Variants in SNX25 observed in about 807,000 individuals in gnomAD.
SNX25 encodes sorting nexin 25, also known as sorting nexin-25.
SNX25 carries 62 observed loss-of-function variants against 113.7 expected under a neutral mutation model. The observed-to-expected ratio is 0.55, with a 90% CI of 0.44 to 0.67. The LOEUF is 0.67. Among genes scored for constraint, SNX25 ranks in the 30% least tolerant of loss-of-function variants. The probability of loss-of-function intolerance (pLI) is 0.00; values close to 1 mark genes in which losing one functional copy is unlikely to be tolerated. For missense variants in SNX25, 1,014 were observed against 1,161.0 expected (o/e 0.87, Z 1.84); for synonymous variants, 421 against 436.2 (o/e 0.97, Z 0.43).
At chr4:185,339,093 G>T (rs948190834) in intron 10 of SNX25, among the ~76,000 whole-genome samples, 19 of 152,156 alleles carry the variant, frequency 1.2e-4, no homozygotes, top group African/African-American at 4.1e-4. Flanking sequence ...TCCAATCCAT[G>T]AATATGGGAT....
intron 7 of SNX25, among the ~76,000 whole-genome samples, chr4:185,312,061 GC>G (rs1332691197): frequency 6.6e-6 from 1 of 152,138 alleles, no homozygotes; most frequent in African/African-American, 2.4e-5. Flanking sequence ...GTTGAATATT[GC>G]CCCCTTCCTC....
intron 9 of SNX25, 119 bp downstream of exon 9, chr4:185,323,919 C>A: frequency 9.7e-7 from 1 of 1,026,736 alleles, no homozygotes; most frequent in Non-Finnish European, 1.4e-6. Flanking sequence ...TATACAGGAC[C>A]TTAAATAGAA....
intron 8 of SNX25, among the ~76,000 whole-genome samples, chr4:185,323,102 G>A (rs142309485): frequency 6.6e-6 from 1 of 152,102 alleles, no homozygotes; most frequent in Non-Finnish European, 1.5e-5. Context: ...TGTTTTTCTC[G>A]TTTTTCTGAG....
intron 7 of SNX25, among the ~76,000 whole-genome samples, chr4:185,317,693 C>G (rs191407330): frequency 1.3e-5 from 2 of 151,992 alleles, no homozygotes; most frequent in Non-Finnish European, 2.9e-5. Context: ...AGCTAGAAAA[C>G]GAAACACCAC....
intron 1 of SNX25, among the ~76,000 whole-genome samples, chr4:185,244,534 A>C (rs1579449892): frequency 6.6e-6 from 1 of 152,120 alleles, no homozygotes. Flanking sequence ...TTTTTCTGTG[A>C]ACTAAATGAA....
At chr4:185,357,615 A>G in intron 15 of SNX25, 56 bp from the exon 16 acceptor site, 1 of 1,366,756 alleles carries the variant, frequency 7.3e-7, no homozygotes, top group Non-Finnish European at 1.0e-6. Context: ...AGCTATGAAA[A>G]TGTCCCAAAT....
intron 1 of SNX25, among the ~76,000 whole-genome samples, chr4:185,219,908 C>CTT (rs35064352): frequency 0.014 from 1,974 of 143,208 alleles, 44 homozygotes; most frequent in African/African-American, 0.046. Flanking sequence ...AGTTGTTAAT[C>CTT]TTTTTTTTTT....
chr4:185,240,117 A>G (rs1229610229), intron 1 of SNX25, among the ~76,000 whole-genome samples: 7 of 152,006 alleles, frequency 4.6e-5, no homozygotes, highest in African/African-American at 7.3e-5. Flanking sequence ...CCAAGGCAGA[A>G]GAATTTTTCT....
intron 17 of SNX25, 62 bp from the exon 18 acceptor site, chr4:185,362,549 T>C: frequency 1.3e-6 from 2 of 1,486,238 alleles, no homozygotes; most frequent in East Asian, 2.3e-5. Flanking sequence ...TTCCTTTCAC[T>C]GCAAAGCTAT....
intron 1 of SNX25, among the ~76,000 whole-genome samples, chr4:185,221,441 T>C (rs549483530): frequency 1.3e-5 from 2 of 152,238 alleles, no homozygotes; most frequent in South Asian, 4.1e-4. Context: ...TCCCAGAATG[T>C]TGGATTACAG....
intron 5 of SNX25, among the ~76,000 whole-genome samples, chr4:185,279,890 TTTG>T (rs1286564807): frequency 6.6e-6 from 1 of 152,046 alleles, no homozygotes; most frequent in African/African-American, 2.4e-5. Context: ...TTGTTGTTGT[TTTG>T]TTGTTTTTTT....
At chr4:185,361,196 G>T (rs1168027475) in intron 16 of SNX25, among the ~76,000 whole-genome samples, 1 of 152,138 alleles carries the variant, frequency 6.6e-6, no homozygotes, top group African/African-American at 2.4e-5. Context: ...AACACTAAAA[G>T]ACAGCTACGG....
At chr4:185,204,823 C>CAA (rs1579282074), upstream of SNX25, among the ~76,000 whole-genome samples, 1 of 152,188 alleles carries the variant, frequency 6.6e-6, no homozygotes, top group East Asian at 1.9e-4. Context: ...GTAGAAGCTG[C>CAA]AAAAGGAGGA....
chr4:185,259,769 G>T (rs769467082), intron 3 of SNX25, among the ~76,000 whole-genome samples: 3 of 152,194 alleles, frequency 2.0e-5, no homozygotes, highest in Admixed American at 6.5e-5. Context: ...GACACGGTTG[G>T]AACAGGAATG....
intron 1 of SNX25, among the ~76,000 whole-genome samples, chr4:185,220,747 T>G (rs1344473325): frequency 1.3e-5 from 2 of 152,218 alleles, no homozygotes; most frequent in Non-Finnish European, 2.9e-5. Context: ...CCCAAAGTGC[T>G]GGGATTACAG....
chr4:185,322,260 G>A (rs1370785597), intron 8 of SNX25, among the ~76,000 whole-genome samples: 1 of 152,166 alleles, frequency 6.6e-6, no homozygotes, highest in Non-Finnish European at 1.5e-5. Flanking sequence ...GTGAAACCCT[G>A]TCTCTACTAA....
intron 6 of SNX25, 87 bp from the exon 7 acceptor site, chr4:185,310,548 C>T (rs1755101244): frequency 8.1e-7 from 1 of 1,229,582 alleles, no homozygotes; most frequent in South Asian, 1.9e-5. Flanking sequence ...TCAGAATGCC[C>T]ACAGCAGACA....
chr4:185,346,271 C>T (rs560724543), intron 12 of SNX25, among the ~76,000 whole-genome samples: 126 of 152,320 alleles, frequency 8.3e-4, no homozygotes, highest in African/African-American at 3.0e-3. Context: ...TGCCACCCTG[C>T]GTGGTGTGCA....
chr4:185,361,453 A>G (rs1265667290), intron 16 of SNX25, among the ~76,000 whole-genome samples: 1 of 152,174 alleles, frequency 6.6e-6, no homozygotes, highest in African/African-American at 2.4e-5. Context: ...AAATAAAAAA[A>G]TGGGCCAGGC....
Sources: allele counts gnomAD v4.1 joint callset (sites outside exome capture counted in the v4.1 genomes callset), GRCh38; gene constraint gnomAD v4.1.1; transcripts MANE v1.5; gene names NCBI Gene and HGNC (gene_info 2026-07-23, HGNC 2026-07-21).